The following CAVIN1 variants were observed in gnomAD, a reference collection of about 807,000 sequenced individuals.
CAVIN1 encodes the protein caveolae-associated protein 1.
CAVIN1 carries 16 observed loss-of-function variants against 24.0 expected under a neutral mutation model. The observed-to-expected ratio is 0.67, with a 90% CI of 0.45 to 1.01. The LOEUF is 1.01. Ranked by LOEUF, CAVIN1 falls within the 50% of genes least tolerant of loss-of-function variation. The pLI, the probability that CAVIN1 is intolerant of heterozygous loss-of-function variation, is 0.00. For missense variants in CAVIN1, 510 were observed against 551.7 expected (o/e 0.92, Z 0.76); for synonymous variants, 256 against 256.4 (o/e 1.00, Z 0.02).
intron 1 of CAVIN1, among the ~76,000 whole-genome samples, chr17:42,409,885 C>T (rs1221717702): frequency 1.3e-5 from 2 of 152,092 alleles, no homozygotes; most frequent in Non-Finnish European, 2.9e-5. Context: ...AAAACCACCA[C>T]TCCCAATAGG....
intron 1 of CAVIN1, among the ~76,000 whole-genome samples, chr17:42,413,885 A>G (rs2085496447): frequency 6.6e-6 from 1 of 152,060 alleles, no homozygotes; most frequent in Admixed American, 6.6e-5. Flanking sequence ...GACTCTGCCA[A>G]TCCCAGTTTT....
At position 42,423,137 on chromosome 17, in the gene CAVIN1, G is replaced by T; in HGVS notation, c.-40C>A. ...GTGCGGGACCGGCCGGGTGGGGCTG[G>T]AGCTGGAGCGGGAGACCCGGAGAGA... On this transcript the variant is annotated 5_prime_UTR_variant, in exon 1 of 2. Transcript: ENST00000357037. 6.9e-7 allele frequency: 1 copy of T among 1,450,288 alleles called. No homozygotes were observed. The allele number at this position is 1,450,288 out of a possible 1,614,324, so 89.8% of individuals were successfully genotyped here.
At position 42,411,207 on chromosome 17, in the gene CAVIN1, A is replaced by AAAAAAAAAAAAAAAAAAC. The variant is rs758609413; in HGVS notation, c.472-5820_472-5819insGTTTTTTTTTTTTTTTTT. Among the ~76,000 whole-genome samples, 493 of 127,496 alleles carry AAAAAAAAAAAAAAAAAAC rather than the reference A, an allele frequency of 3.9e-3. 44 individuals are homozygous for AAAAAAAAAAAAAAAAAAC. Among genetic ancestry groups the AAAAAAAAAAAAAAAAAAC allele is most frequent in the East Asian group, 0.018 (58 of 3,150 alleles). The allele number at this position is 127,496 out of a possible 152,430, so 83.6% of individuals were successfully genotyped here. A position where few individuals can be genotyped will look rare whatever the true frequency, so the allele number is the denominator to read the frequency against. On this transcript the variant is annotated intron_variant, in intron 1 of 1. Coordinates refer to ENST00000357037, the MANE Select transcript of CAVIN1 (RefSeq NM_012232.6). ...GACTATGTCTCAAAAAAAAAAAAAAAAACTAAAAGGTCTGTATATGGGAGT... is the reference window on the plus strand; with the variant it reads ...GACTATGTCTCAAAAAAAAAAAAAAAAAAAAAAAAAAAAAAAACAACTAAAAGGTCTGTATATGGGAGT...
At chr17:42,412,148 G>C (rs546907960) in intron 1 of CAVIN1, 1 of 985,350 alleles carries the variant, frequency 1.0e-6, no homozygotes, top group East Asian at 1.1e-4. Flanking sequence ...GGGAGCTCAG[G>C]CACTGTCTCA....
chr17:42,412,332 G>A (rs2085484130), intron 1 of CAVIN1: 2 of 972,876 alleles, frequency 2.1e-6, no homozygotes, highest in South Asian at 9.5e-5. Context: ...GTGGCATGCA[G>A]AGTAGGGGCT....
chr17:42,410,127 G>A (rs944402995), intron 1 of CAVIN1, among the ~76,000 whole-genome samples: 2 of 152,106 alleles, frequency 1.3e-5, no homozygotes, highest in Non-Finnish European at 2.9e-5. Context: ...TACACATCTG[G>A]CCCTTGGCCA....
intron 1 of CAVIN1, among the ~76,000 whole-genome samples, chr17:42,419,600 C>T (rs889803018): frequency 1.3e-5 from 2 of 152,158 alleles, no homozygotes; most frequent in African/African-American, 4.8e-5. Context: ...CACGAGCCAC[C>T]TAGCCCGGCC....
At chr17:42,406,547 T>C (rs2085447779) in intron 1 of CAVIN1, among the ~76,000 whole-genome samples, 1 of 152,038 alleles carries the variant, frequency 6.6e-6, no homozygotes, top group Non-Finnish European at 1.5e-5. Flanking sequence ...GCTAATTTTT[T>C]TGTATTTTTA....
intron 1 of CAVIN1, among the ~76,000 whole-genome samples, chr17:42,417,233 TGCTTGAG>T (rs1362286844): frequency 1.3e-5 from 2 of 152,088 alleles, no homozygotes; most frequent in East Asian, 3.8e-4. Context: ...GCAGGTGGAT[TGCTTGAG>T]GCCAGGAGTT....
At chr17:42,419,438 G>A (rs1043339155) in intron 1 of CAVIN1, among the ~76,000 whole-genome samples, 2 of 151,734 alleles carry the variant, frequency 1.3e-5, no homozygotes, top group South Asian at 2.1e-4. Flanking sequence ...TCAGCCTCCC[G>A]AGTAACCAGG....
intron 1 of CAVIN1, among the ~76,000 whole-genome samples, chr17:42,419,060 G>A (rs541982798): frequency 3.9e-5 from 6 of 152,042 alleles, no homozygotes; most frequent in Admixed American, 6.6e-5. Context: ...TGCCGGGCAC[G>A]GTGGTGGGCA....
intron 1 of CAVIN1, chr17:42,411,371 C>T: frequency 4.4e-6 from 4 of 915,260 alleles, no homozygotes; most frequent in Non-Finnish European, 5.2e-6. Context: ...CTGGGCAACA[C>T]AGTCCAACCC....
At chr17:42,414,411 A>T (rs564189975) in intron 1 of CAVIN1, among the ~76,000 whole-genome samples, 3 of 146,538 alleles carry the variant, frequency 2.0e-5, no homozygotes, top group Admixed American at 6.9e-5. Context: ...ACCAAGCTCT[A>T]TTTTTTTTTT....
intron 1 of CAVIN1, among the ~76,000 whole-genome samples, chr17:42,405,812 C>T (rs1441227256): frequency 1.3e-5 from 2 of 151,414 alleles, no homozygotes; most frequent in Non-Finnish European, 2.9e-5. Context: ...CTCAGCCTCC[C>T]GAATAGCTGG....
At position 42,422,905 on chromosome 17, in the gene CAVIN1, C is replaced by T. The variant is rs770975617; in HGVS notation, c.193G>A (p.Val65Ile). 1.1e-5 allele frequency: 18 copies of T among 1,613,974 alleles called. No homozygotes were observed. Among genetic ancestry groups the T allele is most frequent in the Non-Finnish European group, 1.4e-5 (17 of 1,180,016 alleles). ...GCTTGAGTCAGCTGGATCTGGTCTA[C>T]GGCCCCGATGATTTTGTCCAGGAGG... ...LSLLDKIIGA[V>I]DQIQLTQAQL... is the part of the protein sequence containing the mutation. Residue 65 changes from valine to isoleucine, a missense_variant, in exon 1 of 2, where the codon GTA (valine) becomes ATA (isoleucine). By Grantham distance (29) the Val-to-Ile change is conservative (BLOSUM62 3). Transcript: ENST00000357037.
rs2085421340 is a variant in CAVIN1, at chr17:42,403,002, A to AC, written c.*1684dup. On this transcript the variant is annotated 3_prime_UTR_variant, in exon 2 of 2. Transcript: ENST00000357037. Reference sequence around the variant, plus strand: ...TCACCCGCAAAGATTCAGGAAAAGCACCCCAAGGACAAGGAAACCAATGAG... The same window carrying AC: ...TCACCCGCAAAGATTCAGGAAAAGCACCCCCAAGGACAAGGAAACCAATGAG... 1 of 152,404 alleles carries AC rather than the reference A, an allele frequency of 6.6e-6. No homozygotes were observed. The highest frequency in any genetic ancestry group is 2.4e-5 in the African/African-American group (1 of 41,432). The allele number at this position is 152,404 out of a possible 1,614,324, so 9.4% of individuals were successfully genotyped here. A position where few individuals can be genotyped will look rare whatever the true frequency, so the allele number is the denominator to read the frequency against.
chr17:42,421,147 G>C (rs917157993), intron 1 of CAVIN1, among the ~76,000 whole-genome samples: 10 of 152,026 alleles, frequency 6.6e-5, no homozygotes, highest in African/African-American at 2.2e-4. Flanking sequence ...GGGTGGGGAG[G>C]GGGACAAGTG....
chr17:42,405,510 CTG>C (rs2085438894), intron 1 of CAVIN1, 122 bp from the exon 2 acceptor site: 2 of 981,414 alleles, frequency 2.0e-6, no homozygotes, highest in Admixed American at 1.8e-5. Flanking sequence ...CCCCAGGAAA[CTG>C]GCGGGCGCTC....
At chr17:42,418,229 CTTTTTTTTTTT>C (rs555569816) in intron 1 of CAVIN1, among the ~76,000 whole-genome samples, 14 of 129,478 alleles carry the variant, frequency 1.1e-4, no homozygotes, top group African/African-American at 4.1e-4. Flanking sequence ...ACTGTATTTC[CTTTTTTTTTTT>C]TTTTTTTTGA....
Sources: gnomAD v4.1 joint callset for allele counts (sites outside exome capture counted in the v4.1 genomes callset) on GRCh38, gnomAD v4.1.1 for gene constraint, MANE v1.5 for transcripts, NCBI Gene and HGNC (gene_info 2026-07-23, HGNC 2026-07-21) for gene names.